The following WDR41 variants were observed in gnomAD, a reference collection of about 807,000 sequenced individuals.
WDR41 encodes the protein WD repeat-containing protein 41.
WDR41 carries 63 observed loss-of-function variants against 69.3 expected under a neutral mutation model. The observed-to-expected ratio is 0.91, with a 90% confidence interval of 0.74 to 1.12. WDR41 has a LOEUF of 1.12. Ranked by LOEUF, WDR41 falls within the 50% of genes most tolerant of loss-of-function variation. WDR41 has a pLI of 0.00. For missense variants in WDR41, 543 were observed against 534.5 expected, an observed-to-expected ratio of 1.02 and a Z score of -0.16; for synonymous variants, 185 against 192.1, an observed-to-expected ratio of 0.96 and a Z score of 0.31.
chr5:77,487,993 C>T (rs771859402), intron 2 of WDR41, among the ~76,000 whole-genome samples: 12 of 152,064 alleles, frequency 7.9e-5, no homozygotes, highest in Non-Finnish European at 1.3e-4. Context: ...TAGGCCTTGC[C>T]CTATATACAT....
rs115721320 is a variant in WDR41, at chr5:77,441,042, T to C, written c.698-45A>G. The C allele has an allele frequency of 3.8e-6, 6 of 1,593,416 alleles. No individual in the cohort carries two copies. The East Asian group carries it at 1.1e-4, about 30-fold the overall frequency. On this transcript the variant is annotated intron_variant, in intron 8 of 12. Transcript: ENST00000296679. ...GCCTCATTATCGATCATTTTATCTA[T>C]GTAAAGATATAACTGAATGGAATGT...
chr5:77,571,534 A>G (rs1743732331), intron 1 of WDR41, among the ~76,000 whole-genome samples: 1 of 152,172 alleles, frequency 6.6e-6, no homozygotes, highest in African/African-American at 2.4e-5. Flanking sequence ...AAGTTTCCTC[A>G]GCTAGCCTCA....
chr5:77,433,112 ATGTG>A lies in WDR41; in HGVS notation c.*19_*22del. ...GATATTTGATGTTCAAGGTTCATGC[ATGTG>A]TATTTTTAATTCCTTAAACTAGACA... On this transcript the variant is annotated 3_prime_UTR_variant, in exon 13 of 13. Coordinates refer to ENST00000296679, the MANE Select transcript of WDR41 (RefSeq NM_018268.4). The A allele has an allele frequency of 6.2e-7, 1 of 1,601,586 alleles. No homozygotes were observed. The highest frequency in any genetic ancestry group is 8.5e-7 in the Non-Finnish European group (1 of 1,174,222).
intron 1 of WDR41, chr5:77,582,499 C>T (rs1743957516): frequency 1.3e-6 from 2 of 1,599,830 alleles, no homozygotes; most frequent in Admixed American, 1.7e-5. Context: ...CCAAAAGATG[C>T]TTCGAAAGGC....
chr5:77,596,037 T>A (rs1360984872), intron 1 of WDR41, among the ~76,000 whole-genome samples: 1 of 152,214 alleles, frequency 6.6e-6, no homozygotes, highest in Non-Finnish European at 1.5e-5. Flanking sequence ...AACCTATTGG[T>A]CAAATTCCAT....
intron 2 of WDR41, 127 bp from the exon 3 acceptor site, chr5:77,464,936 A>T (rs1184733908): frequency 1.1e-5 from 10 of 916,238 alleles, no homozygotes; most frequent in Non-Finnish European, 1.7e-5. Context: ...ATTTCAGCTA[A>T]TTTAAAAAAT....
At chr5:77,513,719 C>T (rs1377171088) in intron 1 of WDR41, among the ~76,000 whole-genome samples, 3 of 152,162 alleles carry the variant, frequency 2.0e-5, no homozygotes, top group African/African-American at 7.2e-5. Context: ...AACAGTTAAT[C>T]ATTTCCACAT....
intron 1 of WDR41, among the ~76,000 whole-genome samples, chr5:77,610,451 G>A (rs1362123021): frequency 6.6e-6 from 1 of 152,186 alleles, no homozygotes; most frequent in Non-Finnish European, 1.5e-5. Context: ...ACTAACAGCT[G>A]ATCTCTCAGC....
chr5:77,513,511 G>A (rs1802240903), intron 1 of WDR41, among the ~76,000 whole-genome samples: 1 of 152,040 alleles, frequency 6.6e-6, no homozygotes, highest in South Asian at 2.1e-4. Context: ...GTTTCTCTGG[G>A]AACTAAATTA....
At chr5:77,581,507 A>AT (rs1743939119) in intron 1 of WDR41, among the ~76,000 whole-genome samples, 1 of 152,236 alleles carries the variant, frequency 6.6e-6, no homozygotes, top group Admixed American at 6.5e-5. Context: ...CCAACTACAC[A>AT]TAACAGACTT....
At chr5:77,541,950 A>G (rs1174111500) in intron 1 of WDR41, among the ~76,000 whole-genome samples, 42 of 152,210 alleles carry the variant, frequency 2.8e-4, no homozygotes, top group Non-Finnish European at 7.3e-5. Flanking sequence ...AAATTATTCT[A>G]TTATAAAGAT....
intron 1 of WDR41, among the ~76,000 whole-genome samples, chr5:77,605,689 C>T (rs916072247): frequency 3.9e-5 from 6 of 152,128 alleles, no homozygotes; most frequent in Non-Finnish European, 8.8e-5. Flanking sequence ...GCTGGCTGGC[C>T]AGATTGTTAA....
At chr5:77,444,899 A>G (rs1332793119) in intron 8 of WDR41, among the ~76,000 whole-genome samples, 2 of 152,214 alleles carry the variant, frequency 1.3e-5, no homozygotes, top group Non-Finnish European at 2.9e-5. Context: ...AAAAAGTACT[A>G]ATCCAAAAGC....
chr5:77,571,987 TGCAA>T (rs1402870338), intron 1 of WDR41, among the ~76,000 whole-genome samples: 1 of 152,138 alleles, frequency 6.6e-6, no homozygotes, highest in Non-Finnish European at 1.5e-5. Context: ...CACACAATTC[TGCAA>T]GCAACCACGG....
intron 1 of WDR41, among the ~76,000 whole-genome samples, chr5:77,562,559 G>A (rs1168663245): frequency 6.6e-6 from 1 of 152,108 alleles, no homozygotes; most frequent in Non-Finnish European, 1.5e-5. Flanking sequence ...GTTATTTAAT[G>A]ATGTCTTCAA....
intron 1 of WDR41, among the ~76,000 whole-genome samples, chr5:77,553,224 G>C (rs561354420): frequency 6.6e-6 from 1 of 152,290 alleles, no homozygotes; most frequent in South Asian, 2.1e-4. Flanking sequence ...CACAGCTCTG[G>C]AGGATGGGAA....
intron 1 of WDR41, among the ~76,000 whole-genome samples, chr5:77,595,253 G>A (rs769650957): frequency 2.6e-5 from 4 of 152,182 alleles, no homozygotes; most frequent in Non-Finnish European, 4.4e-5. Flanking sequence ...GGTATAGAGT[G>A]CGTGACCAAT....
chr5:77,436,545 AAT>A lies in WDR41; in HGVS notation c.1094-153_1094-152del, dbSNP rs780939822. ...CTGAGCACCGTGCTAGGGTTTTGTGAATATGTTATTTCATCTTTCTTAGCTAA... is the reference window on the plus strand; with the variant it reads ...CTGAGCACCGTGCTAGGGTTTTGTGAATGTTATTTCATCTTTCTTAGCTAA... On this transcript the variant is annotated intron_variant, in intron 11 of 12. Transcript: ENST00000296679. 7.6e-5 allele frequency: 70 copies of A among 926,482 alleles called. 1 individual carries two copies. Among genetic ancestry groups the A allele is most frequent in the Middle Eastern group, 3.3e-4 (1 of 3,032 alleles). 57.4% of individuals were successfully genotyped at this position (926,482 alleles called of 1,614,324 possible). A position where few individuals can be genotyped will look rare whatever the true frequency, so the allele number is the denominator to read the frequency against.
At chr5:77,504,456 C>G (rs552887402) in intron 1 of WDR41, among the ~76,000 whole-genome samples, 1 of 152,192 alleles carries the variant, frequency 6.6e-6, no homozygotes, top group Non-Finnish European at 1.5e-5. Flanking sequence ...CAAAGAAGAG[C>G]TGGTACCATT....
Sources: allele counts gnomAD v4.1 joint callset (sites outside exome capture counted in the v4.1 genomes callset), GRCh38; gene constraint gnomAD v4.1.1; transcripts MANE v1.5; gene names NCBI Gene and HGNC (gene_info 2026-07-23, HGNC 2026-07-21).